The following CCDC171 variants were observed in gnomAD, a reference collection of about 807,000 sequenced individuals.
CCDC171 encodes coiled-coil domain containing 171.
CCDC171 carries 177 observed loss-of-function variants against 168.2 expected under a neutral mutation model. That is an observed-to-expected ratio of 1.05 (90% CI 0.93 to 1.19). CCDC171 has a LOEUF of 1.19. Among genes scored for constraint, CCDC171 ranks in the 50% most tolerant of loss-of-function variants. The pLI is 0.00. For missense variants in CCDC171, 1,991 were observed against 1,539.0 expected (o/e 1.29, Z -4.91); for synonymous variants, 687 against 540.8 (o/e 1.27, Z -3.75).
At chr9:15,598,253 T>A (rs1185690553) in intron 6 of CCDC171, among the ~76,000 whole-genome samples, 1 of 152,170 alleles carries the variant, frequency 6.6e-6, no homozygotes, top group Non-Finnish European at 1.5e-5. Flanking sequence ...GGTGTCAATT[T>A]TAGATCTTTC....
intron 6 of CCDC171, among the ~76,000 whole-genome samples, chr9:15,615,116 T>A (rs879393840): frequency 2.6e-5 from 4 of 152,062 alleles, no homozygotes; most frequent in Non-Finnish European, 4.4e-5. Context: ...TATGCAAAAA[T>A]ATTATACAAA....
At chr9:16,015,619 G>C (rs1414519207) in intron 3 of CCDC171, among the ~76,000 whole-genome samples, 5 of 151,998 alleles carry the variant, frequency 3.3e-5, no homozygotes, top group Non-Finnish European at 5.9e-5. Flanking sequence ...TTTTAAAATT[G>C]TGATAATATA....
intron 8 of CCDC171, among the ~76,000 whole-genome samples, chr9:15,664,567 T>TACACACACACACACACACACAC (rs34252519): frequency 0.077 from 11,011 of 143,880 alleles, 498 homozygotes; most frequent in East Asian, 0.1. Flanking sequence ...CTTAAATTTA[T>TACACACACACACACACACACAC]ACACACACAC....
chr9:16,027,742 C>T (rs558446476), intron 6 of CCDC171, among the ~76,000 whole-genome samples: 2 of 152,214 alleles, frequency 1.3e-5, no homozygotes, highest in African/African-American at 4.8e-5. Flanking sequence ...CAGGGAAACC[C>T]AGTCAAGGGC....
chr9:16,052,922 G>A (rs531504315), intron 1 of CCDC171, among the ~76,000 whole-genome samples: 3 of 151,722 alleles, frequency 2.0e-5, no homozygotes, highest in Non-Finnish European at 4.4e-5. Context: ...CACCCGGCTC[G>A]CCGTTCAGCC....
chr9:15,879,180 G>A lies in CCDC171; in HGVS notation c.3600+4517G>A, dbSNP rs115387353. ...AGACACAACCAATGTTAACATTTTG[G>A]TATATATTCTTCAAGTTATTTTTTA... On this transcript the variant is annotated intron_variant, in intron 24 of 25. Transcript: ENST00000380701. Among the ~76,000 whole-genome samples, 1,046 of 152,122 alleles carry A rather than the reference G, an allele frequency of 6.9e-3. 8 individuals carry two copies. Among genetic ancestry groups the A allele is most frequent in the African/African-American group, 0.024 (993 of 41,498 alleles).
chr9:16,043,565 C>T (rs116466871), intron 1 of CCDC171, among the ~76,000 whole-genome samples: 78 of 152,282 alleles, frequency 5.1e-4, no homozygotes, highest in African/African-American at 1.8e-3. Context: ...TTCTTTTACA[C>T]CTGCATGAAG....
intron 4 of CCDC171, among the ~76,000 whole-genome samples, chr9:15,590,775 T>TTCTTTC (rs1554693048): frequency 9.4e-5 from 8 of 84,836 alleles, no homozygotes; most frequent in East Asian, 2.9e-4. Flanking sequence ...TTCTTTCTCT[T>TTCTTTC]TCTTTCTTTC....
chr9:15,757,340 T>G (rs1471088474), intron 18 of CCDC171, among the ~76,000 whole-genome samples: 1 of 152,178 alleles, frequency 6.6e-6, no homozygotes, highest in African/African-American at 2.4e-5. Context: ...TCTTGTTATG[T>G]TTTAGCAAAT....
intron 3 of CCDC171, among the ~76,000 whole-genome samples, chr9:16,019,594 CAG>C (rs71491682): frequency 0.33 from 50,593 of 151,848 alleles, 10,578 homozygotes; most frequent in East Asian, 0.63. Flanking sequence ...CAGAGAGAAA[CAG>C]AAAGACATGG....
chr9:15,706,260 C>CCTTCCTTCCTTT lies in CCDC171; in HGVS notation c.1318+10939_1318+10950dup, dbSNP rs1408752973. On this transcript the variant is annotated intron_variant, in intron 11 of 25. Transcript: ENST00000380701. ...TCCTTCCTTGCTTCCTTCCTTCCTT[C>CCTTCCTTCCTTT]CTTCCTTCCTTTCTTCCTTCCTTTC... Among the ~76,000 whole-genome samples the CCTTCCTTCCTTT allele has an allele frequency of 3.0e-4, 45 of 150,580 alleles. No homozygotes were observed. In the South Asian group the frequency reaches 9.4e-3, roughly 31 times the overall value.
At chr9:15,654,866 G>A (rs1206219127) in intron 7 of CCDC171, among the ~76,000 whole-genome samples, 6 of 152,156 alleles carry the variant, frequency 3.9e-5, no homozygotes, top group Non-Finnish European at 8.8e-5. Flanking sequence ...GAACAGATGA[G>A]TTCATGTCCT....
At chr9:15,683,100 C>T (rs1437822248) in intron 10 of CCDC171, among the ~76,000 whole-genome samples, 1 of 151,964 alleles carries the variant, frequency 6.6e-6, no homozygotes, top group Non-Finnish European at 1.5e-5. Flanking sequence ...TGTTTTCCTG[C>T]CACTCAGTAA....
At chr9:15,641,987 A>T (rs2046645231) in intron 7 of CCDC171, among the ~76,000 whole-genome samples, 2 of 152,058 alleles carry the variant, frequency 1.3e-5, no homozygotes, top group African/African-American at 4.8e-5. Flanking sequence ...AACATGGTGA[A>T]ACCCCATCTC....
intron 24 of CCDC171, among the ~76,000 whole-genome samples, chr9:15,907,309 T>G (rs1209806901): frequency 7.2e-5 from 11 of 152,102 alleles, no homozygotes; most frequent in South Asian, 2.1e-4. Flanking sequence ...CCAAAACAGA[T>G]ATATAGACCA....
chr9:15,800,240 AC>A (rs1272044245), intron 21 of CCDC171, among the ~76,000 whole-genome samples: 1 of 152,138 alleles, frequency 6.6e-6, no homozygotes, highest in Non-Finnish European at 1.5e-5. Flanking sequence ...CCAACAGCAT[AC>A]AAAGGTTCTT....
intron 23 of CCDC171, among the ~76,000 whole-genome samples, chr9:15,871,777 C>G (rs1442451043): frequency 6.6e-6 from 1 of 151,870 alleles, no homozygotes; most frequent in African/African-American, 2.4e-5. Flanking sequence ...TTTCTGAAGT[C>G]TCTTCCTTCT....
At chr9:15,577,371 T>C (rs907785603) in intron 3 of CCDC171, among the ~76,000 whole-genome samples, 2 of 152,194 alleles carry the variant, frequency 1.3e-5, no homozygotes, top group African/African-American at 4.8e-5. Flanking sequence ...ACTGGCATCA[T>C]AGTTAAGTGC....
chr9:15,628,417 C>T (rs1022864159), intron 7 of CCDC171, among the ~76,000 whole-genome samples: 5 of 152,134 alleles, frequency 3.3e-5, no homozygotes, highest in African/African-American at 9.7e-5. Flanking sequence ...CATGGAGTCT[C>T]GCTTATTGCT....
Sources: allele counts gnomAD v4.1 joint callset (sites outside exome capture counted in the v4.1 genomes callset), GRCh38; gene constraint gnomAD v4.1.1; transcripts MANE v1.5; gene names NCBI Gene and HGNC (gene_info 2026-07-23, HGNC 2026-07-21).